The following RHOT1 variants were observed in gnomAD, a reference collection of about 807,000 sequenced individuals.
RHOT1 encodes mitochondrial Rho GTPase 1.
A neutral mutation model predicts 95.3 loss-of-function variants in RHOT1; 27 were observed. That is an observed-to-expected ratio of 0.28 (90% confidence interval 0.21 to 0.39). The LOEUF is 0.39. Among genes scored for constraint, RHOT1 ranks in the 10% least tolerant of loss-of-function variants. RHOT1 has a pLI of 1.00. For synonymous variants in RHOT1, 227 were observed against 263.5 expected (o/e 0.86, Z 1.34); for missense variants, 578 against 786.7 (o/e 0.73, Z 3.17).
intron 19 of RHOT1, among the ~76,000 whole-genome samples, chr17:32,214,865 T>C (rs2038360127): frequency 4.6e-5 from 7 of 151,410 alleles, no homozygotes; most frequent in Admixed American, 4.6e-4. Flanking sequence ...TGATTTAGAA[T>C]TGTGAAAGAG....
chr17:32,191,962 C>T (rs995368569), intron 8 of RHOT1, among the ~76,000 whole-genome samples: 1 of 152,186 alleles, frequency 6.6e-6, no homozygotes, highest in Non-Finnish European at 1.5e-5. Context: ...CTTCTCTTTT[C>T]CCTGTTCTTA....
At chr17:32,186,955 TGTC>T (rs2036107299) in intron 8 of RHOT1, among the ~76,000 whole-genome samples, 2 of 152,070 alleles carry the variant, frequency 1.3e-5, no homozygotes, top group Admixed American at 6.6e-5. Flanking sequence ...TTAGTTGGGT[TGTC>T]TTTTTTTAAA....
intron 19 of RHOT1, among the ~76,000 whole-genome samples, chr17:32,216,318 T>A (rs1028730931): frequency 6.6e-6 from 1 of 152,176 alleles, no homozygotes; most frequent in Non-Finnish European, 1.5e-5. Context: ...TTCTAACCTG[T>A]TATTTAATCA....
intron 1 of RHOT1, among the ~76,000 whole-genome samples, chr17:32,152,847 A>G (rs1167855069): frequency 6.6e-6 from 1 of 150,616 alleles, no homozygotes; most frequent in Admixed American, 6.6e-5. Flanking sequence ...TCGGTTGTCC[A>G]GGCTGGAATG....
At chr17:32,176,589 T>TA (rs1567679621) in intron 6 of RHOT1, among the ~76,000 whole-genome samples, 17 of 146,276 alleles carry the variant, frequency 1.2e-4, no homozygotes, top group African/African-American at 2.7e-5. Context: ...TTTATTTATT[T>TA]TGAGACAGAG....
chr17:32,199,292 T>C (rs2037137715), intron 12 of RHOT1, 113 bp from the exon 13 acceptor site: 1 of 992,670 alleles, frequency 1.0e-6, no homozygotes, highest in East Asian at 2.6e-5. Flanking sequence ...GTAAAATTTG[T>C]TGTCATTTAT....
At position 32,179,779 on chromosome 17, in the gene RHOT1, C is replaced by T. The variant is rs537582918; in HGVS notation, c.330-2978C>T. On this transcript the variant is annotated intron_variant, in intron 6 of 19. Coordinates refer to ENST00000545287, the MANE Select transcript of RHOT1 (RefSeq NM_001033566.3). Reference sequence around the variant, plus strand: ...CTGGGAAGTGAGGAACGCCTCTGCCCGGCCACCCCGTCTGGGAAGTGGGGA... The same window carrying T: ...CTGGGAAGTGAGGAACGCCTCTGCCTGGCCACCCCGTCTGGGAAGTGGGGA... 205 of 151,280 alleles carry T rather than the reference C, an allele frequency of 1.4e-3. 1 individual carries two copies. Among genetic ancestry groups the T allele is most frequent in the African/African-American group, 4.1e-3 (167 of 40,464 alleles). 9.4% of individuals were successfully genotyped at this position (151,280 alleles called of 1,614,324 possible).
At chr17:32,179,434 C>T (rs1349633794) in intron 6 of RHOT1, 2 of 147,194 alleles carry the variant, frequency 1.4e-5, no homozygotes, top group Admixed American at 6.7e-5. Context: ...AGGAGCGCCT[C>T]TGCCCAGCTG....
intron 6 of RHOT1, among the ~76,000 whole-genome samples, chr17:32,178,212 C>T (rs193291398): frequency 1.4e-4 from 21 of 149,738 alleles, no homozygotes; most frequent in African/African-American, 2.2e-4. Flanking sequence ...CTCCCCCCCC[C>T]CAGTGATCTC....
intron 18 of RHOT1, among the ~76,000 whole-genome samples, chr17:32,210,116 T>C (rs750647288): frequency 4.6e-5 from 7 of 152,280 alleles, no homozygotes; most frequent in South Asian, 2.1e-4. Context: ...CCAAGTCAGA[T>C]TGGGCCAGTC....
intron 1 of RHOT1, among the ~76,000 whole-genome samples, chr17:32,167,093 A>G (rs763799969): frequency 3.9e-5 from 6 of 152,178 alleles, no homozygotes; most frequent in Non-Finnish European, 5.9e-5. Context: ...TGCAGACTGG[A>G]TGTCATGTTA....
At position 32,142,628 on chromosome 17, in the gene RHOT1, T is replaced by G. The variant is rs2030510744; in HGVS notation, c.-65T>G. ...CTGGCAGGTGGCGCCGTGGGGTGGG[T>G]GCTCCTGGTGAGAGGAGTCCACTCC... On this transcript the variant is annotated 5_prime_UTR_variant, in exon 1 of 20. Transcript: ENST00000545287. 5 of 1,368,924 alleles carry G rather than the reference T, an allele frequency of 3.7e-6. No individual in the cohort carries two copies. Among genetic ancestry groups the G allele is most frequent in the Admixed American group, 3.3e-5 (1 of 29,984 alleles). The allele number at this position is 1,368,924 out of a possible 1,614,324, so 84.8% of individuals were successfully genotyped here. A position where few individuals can be genotyped will look rare whatever the true frequency, so the allele number is the denominator to read the frequency against.
chr17:32,193,229 G>A lies in RHOT1; in HGVS notation c.733G>A (p.Gly245Arg). 1 of 1,610,468 alleles carries A rather than the reference G, an allele frequency of 6.2e-7. No individual in the cohort carries two copies. Among genetic ancestry groups the A allele is most frequent in the Middle Eastern group, 1.7e-4 (1 of 6,058 alleles). ...TATAAGTGATGGTGTGGCTGACAGT[G>A]GGTTGACCCTGAAAGGTGGGTAAAT... is the stretch of plus-strand genomic sequence containing the variant. ...KHISDGVADSGLTLKGFLFLH... is the reference protein window; with the variant it reads ...KHISDGVADSRLTLKGFLFLH... Residue 245 changes from glycine (G) to arginine (R), a missense_variant, in exon 10 of 20, where the codon GGG (glycine) becomes AGG (arginine). Gly to Arg is a moderately radical substitution (Grantham distance 125). Around this residue, in one of 4 missense-constraint regions of RHOT1, gnomAD observed 227 missense variants for 316.0 expected, o/e 0.72. Coordinates refer to ENST00000545287, the MANE Select transcript of RHOT1 (RefSeq NM_001033566.3).
chr17:32,153,813 A>G (rs2032610132), intron 1 of RHOT1, among the ~76,000 whole-genome samples: 1 of 152,238 alleles, frequency 6.6e-6, no homozygotes, highest in Admixed American at 6.5e-5. Flanking sequence ...CAGAGGTCTT[A>G]GAAATTATAT....
intron 5 of RHOT1, 53 bp from the exon 6 acceptor site, chr17:32,176,108 G>A (rs1246239144): frequency 6.3e-7 from 1 of 1,588,768 alleles, no homozygotes; most frequent in Admixed American, 1.7e-5. Flanking sequence ...TAAGGGAAGA[G>A]TGTTTTGTAA....
At chr17:32,224,337 C>A (rs1014111550) in intron 19 of RHOT1, among the ~76,000 whole-genome samples, 15 of 152,124 alleles carry the variant, frequency 9.9e-5, no homozygotes, top group Non-Finnish European at 2.1e-4. Context: ...TGTCTAACTT[C>A]TTTATTTCCT....
chr17:32,193,032 G>A, intron 9 of RHOT1, 104 bp from the exon 10 acceptor site: 2 of 682,500 alleles, frequency 2.9e-6, no homozygotes, highest in Non-Finnish European at 5.0e-6. Flanking sequence ...TGTTTCTTTG[G>A]TTGCAATTCA....
intron 1 of RHOT1, among the ~76,000 whole-genome samples, chr17:32,167,400 C>T (rs1236991202): frequency 6.6e-6 from 1 of 151,546 alleles, no homozygotes; most frequent in Non-Finnish European, 1.5e-5. Context: ...AATCTTGGCT[C>T]ACTGCAAGCT....
chr17:32,210,030 G>A (rs932728657), intron 18 of RHOT1, among the ~76,000 whole-genome samples: 1 of 151,736 alleles, frequency 6.6e-6, no homozygotes, highest in African/African-American at 2.4e-5. Context: ...TTGGGAATTA[G>A]GCATTATTGG....
Sources: gnomAD v4.1 joint callset for allele counts (sites outside exome capture counted in the v4.1 genomes callset) on GRCh38, gnomAD v4.1.1 for gene constraint, gnomAD v4.1.1 regional missense constraint, MANE v1.5 for transcripts, NCBI Gene and HGNC (gene_info 2026-07-23, HGNC 2026-07-21) for gene names.